The following CADPS2 variants were observed in gnomAD, a reference collection of about 807,000 sequenced individuals.
CADPS2 encodes the protein calcium dependent secretion activator 2.
In CADPS2, 93 loss-of-function variants were observed where a neutral mutation model predicts 172.5. The ratio of observed to expected loss-of-function variants is 0.54; its 90% CI spans 0.46 to 0.64. CADPS2 has a LOEUF of 0.64. CADPS2 is among the 30% of genes least tolerant of loss of function. The pLI is 0.00. For missense variants in CADPS2, 1,420 were observed against 1,565.9 expected (o/e 0.91, Z 1.57); for synonymous variants, 546 against 555.2 (o/e 0.98, Z 0.23).
intron 3 of CADPS2, among the ~76,000 whole-genome samples, chr7:122,649,378 C>A (rs1186531637): frequency 2.0e-5 from 3 of 152,162 alleles, no homozygotes; most frequent in Non-Finnish European, 4.4e-5. Flanking sequence ...TATTTCCTGG[C>A]ACCCAACTAG....
At chr7:122,691,169 T>C (rs932947961) in intron 2 of CADPS2, among the ~76,000 whole-genome samples, 2 of 152,136 alleles carry the variant, frequency 1.3e-5, no homozygotes, top group Non-Finnish European at 2.9e-5. Flanking sequence ...CCCATCCTGC[T>C]ATCAGGTAAG....
intron 2 of CADPS2, among the ~76,000 whole-genome samples, chr7:122,723,945 A>G (rs949427218): frequency 3.3e-5 from 5 of 150,660 alleles, no homozygotes; most frequent in Admixed American, 6.7e-5. Context: ...TCCAAACACC[A>G]CATGTTCTCA....
intron 1 of CADPS2, among the ~76,000 whole-genome samples, chr7:122,756,892 T>A (rs1314900921): frequency 6.5e-5 from 9 of 139,492 alleles, no homozygotes; most frequent in Non-Finnish European, 9.3e-5. Flanking sequence ...AGAGCAAGAC[T>A]CCCTCTCAAG....
intron 1 of CADPS2, among the ~76,000 whole-genome samples, chr7:122,832,962 T>C (rs540883330): frequency 6.6e-6 from 1 of 152,234 alleles, no homozygotes. Flanking sequence ...GTGAATACAT[T>C]TCTCGTCTTT....
chr7:122,390,333 AAAAC>A (rs539070243), intron 22 of CADPS2, among the ~76,000 whole-genome samples: 4 of 152,240 alleles, frequency 2.6e-5, no homozygotes, highest in South Asian at 4.1e-4. Flanking sequence ...CAATTAAGAG[AAAAC>A]AAACAAACAA....
chr7:122,676,921 C>A, intron 2 of CADPS2: 1 of 429,684 alleles, frequency 2.3e-6, no homozygotes, highest in Non-Finnish European at 4.2e-6. Flanking sequence ...GGCTTTTTAT[C>A]CATCCAAGTC....
chr7:122,342,535 C>T (rs2036938863), intron 28 of CADPS2, among the ~76,000 whole-genome samples: 1 of 152,258 alleles, frequency 6.6e-6, no homozygotes, highest in East Asian at 1.9e-4. Context: ...TTTAGTATTA[C>T]ATGCTTTCCA....
chr7:122,632,436 T>C (rs2076664816), intron 3 of CADPS2, among the ~76,000 whole-genome samples: 1 of 152,230 alleles, frequency 6.6e-6, no homozygotes, highest in Non-Finnish European at 1.5e-5. Flanking sequence ...CATTGTGGCT[T>C]TGATTTGCAT....
chr7:122,633,937 T>C (rs761592804), intron 3 of CADPS2, among the ~76,000 whole-genome samples: 1 of 152,192 alleles, frequency 6.6e-6, no homozygotes, highest in Non-Finnish European at 1.5e-5. Flanking sequence ...TCTGCATCTA[T>C]TGAGATTACA....
intron 3 of CADPS2, 81 bp from the exon 4 acceptor site, chr7:122,629,409 A>T: frequency 1.1e-6 from 1 of 915,030 alleles, no homozygotes; most frequent in Non-Finnish European, 1.6e-6. Context: ...AGTCCCACAG[A>T]CTAAGGCAAA....
At chr7:122,565,435 T>G (rs576058981) in intron 7 of CADPS2, among the ~76,000 whole-genome samples, 1 of 152,250 alleles carries the variant, frequency 6.6e-6, no homozygotes, top group Non-Finnish European at 1.5e-5. Context: ...GGACATGGAA[T>G]GATTCATGGG....
chr7:122,662,389 T>G (rs1354202904), intron 3 of CADPS2, among the ~76,000 whole-genome samples: 1 of 151,370 alleles, frequency 6.6e-6, no homozygotes, highest in African/African-American at 2.4e-5. Context: ...TTTTTTTTTT[T>G]TTTTTTAAGA....
intron 1 of CADPS2, among the ~76,000 whole-genome samples, chr7:122,836,541 C>T (rs141107774): frequency 0.016 from 2,386 of 152,082 alleles, 57 homozygotes; most frequent in African/African-American, 0.054. Flanking sequence ...ACACATCTCA[C>T]GTGCAGAGAC....
chr7:122,766,965 T>A (rs2093570859), intron 1 of CADPS2, among the ~76,000 whole-genome samples: 1 of 152,190 alleles, frequency 6.6e-6, no homozygotes, highest in South Asian at 2.1e-4. Flanking sequence ...AGAATGAAAT[T>A]AGTGAATACA....
At chr7:122,659,503 T>C (rs73220269) in intron 3 of CADPS2, among the ~76,000 whole-genome samples, 6,355 of 151,872 alleles carry the variant, frequency 0.042, 144 homozygotes, top group Middle Eastern at 0.12. Context: ...ATAACATGGG[T>C]AACAGAAACA....
At chr7:122,839,979 A>G (rs1773989935) in intron 1 of CADPS2, among the ~76,000 whole-genome samples, 1 of 152,236 alleles carries the variant, frequency 6.6e-6, no homozygotes, top group African/African-American at 2.4e-5. Flanking sequence ...AGACATGCAC[A>G]CATATGTTTA....
At chr7:122,647,106 G>C (rs35628062) in intron 3 of CADPS2, among the ~76,000 whole-genome samples, 6,149 of 152,194 alleles carry the variant, frequency 0.04, 199 homozygotes, top group Non-Finnish European at 0.049. Context: ...TTTACCATGG[G>C]TTTAAGTGAC....
intron 28 of CADPS2, among the ~76,000 whole-genome samples, chr7:122,335,608 G>C (rs920945547): frequency 6.6e-6 from 1 of 152,198 alleles, no homozygotes; most frequent in Non-Finnish European, 1.5e-5. Context: ...GTATGGGAAA[G>C]TTATATATTA....
Position 122,636,462 on chromosome 7 carries a change from G to GTTT in CADPS2, c.787-7137_787-7135dup, listed in dbSNP as rs66587423. Among the ~76,000 whole-genome samples, 77 of 100,168 alleles carry GTTT rather than the reference G, an allele frequency of 7.7e-4. 1 individual carries two copies. Among genetic ancestry groups the GTTT allele is most frequent in the Non-Finnish European group, 8.8e-4 (46 of 52,552 alleles). 65.7% of individuals were successfully genotyped at this position (100,168 alleles called of 152,430 possible). ...GGCTCGTAAGGTTTCCACAAGAGAT[G>GTTT]TTTTTTTTTTTTTTTTTTTTTGAGA... On this transcript the variant is annotated intron_variant, in intron 3 of 29. Coordinates refer to ENST00000449022, the MANE Select transcript of CADPS2 (RefSeq NM_017954.11).
Sources: allele counts gnomAD v4.1 joint callset (sites outside exome capture counted in the v4.1 genomes callset), GRCh38; gene constraint gnomAD v4.1.1; transcripts MANE v1.5; gene names NCBI Gene and HGNC (gene_info 2026-07-23, HGNC 2026-07-21).